Variants in ADAMTSL1 observed in about 807,000 individuals in gnomAD.
ADAMTSL1 encodes ADAMTS-like protein 1.
In ADAMTSL1, 126 loss-of-function variants were observed where a neutral mutation model predicts 201.8. The ratio of observed to expected loss-of-function variants is 0.62; its 90% CI spans 0.54 to 0.72. The LOEUF is 0.72. ADAMTSL1 is among the 30% of genes least tolerant of loss of function. The pLI, the probability that ADAMTSL1 is intolerant of heterozygous loss-of-function variation, is 0.00. For missense variants in ADAMTSL1, 2,679 were observed against 2,277.8 expected, an observed-to-expected ratio of 1.18 and a Z score of -3.59; for synonymous variants, 1,121 against 903.4, an observed-to-expected ratio of 1.24 and a Z score of -4.32.
At chr9:17,966,444 G>A (rs989436618) in intron 1 of ADAMTSL1, among the ~76,000 whole-genome samples, 1 of 152,100 alleles carries the variant, frequency 6.6e-6, no homozygotes, top group African/African-American at 2.4e-5. Flanking sequence ...TTCATGTGCC[G>A]CATTCCGATC....
intron 2 of ADAMTSL1, among the ~76,000 whole-genome samples, chr9:18,287,576 AAT>A (rs1332468653): frequency 7.3e-5 from 9 of 123,656 alleles, no homozygotes; most frequent in Non-Finnish European, 1.0e-4. Flanking sequence ...CATATATGTA[AAT>A]ATATGTGTAT....
At chr9:18,182,481 T>G (rs1471859994) in intron 2 of ADAMTSL1, among the ~76,000 whole-genome samples, 3 of 152,108 alleles carry the variant, frequency 2.0e-5, no homozygotes, top group Non-Finnish European at 4.4e-5. Context: ...AAGACAATAG[T>G]TTAAAAAAGA....
At chr9:18,260,419 G>A (rs897080325) in intron 2 of ADAMTSL1, among the ~76,000 whole-genome samples, 1 of 152,230 alleles carries the variant, frequency 6.6e-6, no homozygotes, top group Non-Finnish European at 1.5e-5. Context: ...AAACATGACT[G>A]TCTCGGCTTT....
At chr9:17,992,713 G>A (rs774902017) in intron 1 of ADAMTSL1, among the ~76,000 whole-genome samples, 8 of 152,156 alleles carry the variant, frequency 5.3e-5, no homozygotes, top group Non-Finnish European at 8.8e-5. Context: ...GGGTGAACGG[G>A]CAAGACCCTA....
chr9:18,785,100 G>T (rs1821625915), intron 19 of ADAMTSL1, among the ~76,000 whole-genome samples: 1 of 152,042 alleles, frequency 6.6e-6, no homozygotes, highest in Non-Finnish European at 1.5e-5. Context: ...GGAGGTGGAG[G>T]TTGCAGTGAG....
intron 15 of ADAMTSL1, among the ~76,000 whole-genome samples, chr9:18,739,388 A>G (rs758262968): frequency 3.9e-5 from 6 of 152,188 alleles, no homozygotes; most frequent in Admixed American, 6.5e-5. Context: ...ATTTAGGCCA[A>G]TTCATCAGTT....
intron 1 of ADAMTSL1, among the ~76,000 whole-genome samples, chr9:17,914,738 G>A (rs948228562): frequency 6.6e-6 from 1 of 151,980 alleles, no homozygotes; most frequent in Non-Finnish European, 1.5e-5. Context: ...AATTGTCCCT[G>A]TTTGCAGATG....
chr9:18,590,473 T>A (rs996742925), intron 4 of ADAMTSL1, among the ~76,000 whole-genome samples: 3 of 114,530 alleles, frequency 2.6e-5, no homozygotes, highest in Admixed American at 8.0e-5. Context: ...CAACTTTTCG[T>A]TTTGTTGACC....
chr9:18,064,344 T>C (rs1341218937), intron 1 of ADAMTSL1, among the ~76,000 whole-genome samples: 1 of 152,156 alleles, frequency 6.6e-6, no homozygotes, highest in African/African-American at 2.4e-5. Flanking sequence ...CAACTGTAAA[T>C]TCGTGGTAGC....
Position 18,574,285 on chromosome 9 carries a change from T to C in ADAMTSL1, c.474+19T>C, listed in dbSNP as rs1206045513. On this transcript the variant is annotated intron_variant, in intron 4 of 28. Coordinates refer to ENST00000380548, the MANE Select transcript of ADAMTSL1 (RefSeq NM_001040272.6). ...ATGCCAAGTAAGTGCTGATTTGTTC[T>C]CATTCAACTTGTCCAGAGGGTTTCA... 6.3e-7 allele frequency: 1 copy of C among 1,596,386 alleles called. No individual in the cohort carries two copies. The highest frequency in any genetic ancestry group is 1.7e-5 in the Admixed American group (1 of 59,990).
chr9:18,298,872 G>A (rs374688417), intron 2 of ADAMTSL1, among the ~76,000 whole-genome samples: 14 of 152,038 alleles, frequency 9.2e-5, no homozygotes, highest in East Asian at 7.8e-4. Context: ...TCAGCCGGTC[G>A]TGGTGGCGGG....
At chr9:18,099,355 A>ATATATTTTTTTTTTT (rs1239180390) in intron 1 of ADAMTSL1, among the ~76,000 whole-genome samples, 1 of 45,546 alleles carries the variant, frequency 2.2e-5, no homozygotes, top group African/African-American at 8.1e-5. Context: ...ATATATATAT[A>ATATATTTTTTTTTTT]TTTTTTTTTT....
At chr9:18,853,982 T>C (rs1588241249) in intron 23 of ADAMTSL1, among the ~76,000 whole-genome samples, 1 of 151,898 alleles carries the variant, frequency 6.6e-6, no homozygotes, top group African/African-American at 2.4e-5. Flanking sequence ...GTCTCCAAGA[T>C]ATTGTCTACC....
chr9:18,653,828 C>G (rs1828452060), intron 7 of ADAMTSL1, among the ~76,000 whole-genome samples: 2 of 152,204 alleles, frequency 1.3e-5, no homozygotes, highest in Non-Finnish European at 2.9e-5. Context: ...GTATTTCAAA[C>G]AGTGAGACAA....
Position 18,346,644 on chromosome 9 carries a change from A to C in ADAMTSL1, c.208-158185A>C, listed in dbSNP as rs139153839. Among the ~76,000 whole-genome samples, 9 of 152,258 alleles carry C rather than the reference A, an allele frequency of 5.9e-5. No individual in the cohort carries two copies. In the East Asian group the frequency reaches 1.5e-3, roughly 26 times the overall value. On this transcript the variant is annotated intron_variant, in intron 2 of 29. Transcript: ENST00000680146. ...GCTTGACTACATTGCACACAGTTGA[A>C]ACTTTAGAAGTAAAAGTGGCCTTCG...
Position 18,366,627 on chromosome 9 carries a change from AT to A in ADAMTSL1, c.208-138162del, listed in dbSNP as rs772034324. On this transcript the variant is annotated intron_variant, in intron 2 of 29. Coordinates refer to the ADAMTSL1 transcript ENST00000680146. ...ATGGATAGTGCCTCTGAAATCACTAATTTTTTTTTTTTTTTTTTTTTTTTTT... is the reference window on the plus strand; with the variant it reads ...ATGGATAGTGCCTCTGAAATCACTAATTTTTTTTTTTTTTTTTTTTTTTTT... Among the ~76,000 whole-genome samples, 83 of 112,826 alleles carry A rather than the reference AT, an allele frequency of 7.4e-4. 7 individuals are homozygous for A. The highest frequency in any genetic ancestry group is 2.6e-3 in the African/African-American group (77 of 29,086). The allele number at this position is 112,826 out of a possible 152,430, so 74.0% of individuals were successfully genotyped here. A position where few individuals can be genotyped will look rare whatever the true frequency, so the allele number is the denominator to read the frequency against.
chr9:18,539,023 C>T (rs1679625302), intron 3 of ADAMTSL1, among the ~76,000 whole-genome samples: 1 of 148,070 alleles, frequency 6.8e-6, no homozygotes. Flanking sequence ...CTCTTTCCAG[C>T]CAACGCTTGG....
chr9:18,407,951 G>A (rs556132893), intron 2 of ADAMTSL1, among the ~76,000 whole-genome samples: 18 of 152,180 alleles, frequency 1.2e-4, no homozygotes, highest in Admixed American at 2.0e-4. Context: ...GTTTCAGTTC[G>A]AATAAAAAAG....
intron 2 of ADAMTSL1, among the ~76,000 whole-genome samples, chr9:18,515,253 G>C (rs1818293933): frequency 6.6e-6 from 1 of 152,166 alleles, no homozygotes; most frequent in Admixed American, 6.5e-5. Flanking sequence ...CGTCTCGAAG[G>C]GGGTGATAGT....
Sources: gnomAD v4.1 joint callset for allele counts (sites outside exome capture counted in the v4.1 genomes callset) on GRCh38, gnomAD v4.1.1 for gene constraint, MANE v1.5 for transcripts, NCBI Gene and HGNC (gene_info 2026-07-23, HGNC 2026-07-21) for gene names.